Variants in RFX8 observed in about 807,000 individuals in gnomAD.
The protein encoded by RFX8 is regulatory factor X8.
In RFX8, 46 loss-of-function variants were observed where a neutral mutation model predicts 54.6. The ratio of observed to expected loss-of-function variants is 0.84; its 90% CI spans 0.67 to 1.08. RFX8 has a LOEUF of 1.08. Ranked by LOEUF, RFX8 falls within the 50% of genes least tolerant of loss-of-function variation. The pLI is 0.00. For synonymous variants in RFX8, 192 were observed against 209.5 expected (o/e 0.92, Z 0.72); for missense variants, 536 against 562.3 (o/e 0.95, Z 0.47).
chr2:101,437,762 G>T (rs1558869188), intron 2 of RFX8, among the ~76,000 whole-genome samples: 1 of 151,850 alleles, frequency 6.6e-6, no homozygotes, highest in Non-Finnish European at 1.5e-5. Context: ...ACACTCTGCT[G>T]ATCTTAAATT....
At chr2:101,464,269 G>A (rs946544342) in intron 2 of RFX8, among the ~76,000 whole-genome samples, 1 of 152,168 alleles carries the variant, frequency 6.6e-6, no homozygotes, top group African/African-American at 2.4e-5. Context: ...TTCCTACAAA[G>A]GGGATGTAGT....
chr2:101,455,113 C>A (rs572084116), intron 2 of RFX8, among the ~76,000 whole-genome samples: 3 of 151,040 alleles, frequency 2.0e-5, no homozygotes, highest in African/African-American at 4.9e-5. Flanking sequence ...CAGGTTCAAG[C>A]GATTCTGCTG....
intron 2 of RFX8, among the ~76,000 whole-genome samples, chr2:101,449,387 T>C (rs1688558077): frequency 6.6e-6 from 1 of 152,128 alleles, no homozygotes; most frequent in South Asian, 2.1e-4. Flanking sequence ...ATGGGATCAC[T>C]GGAAATAATT....
chr2:101,410,583 A>G (rs1558842389), intron 9 of RFX8, 36 bp downstream of exon 9: 1 of 1,106,926 alleles, frequency 9.0e-7, no homozygotes, highest in Admixed American at 2.2e-5. Context: ...AGAATGGTCA[A>G]CACACTTTTT....
intron 2 of RFX8, among the ~76,000 whole-genome samples, chr2:101,422,801 A>C (rs1273992290): frequency 6.6e-6 from 1 of 152,252 alleles, no homozygotes; most frequent in African/African-American, 2.4e-5. Flanking sequence ...TTAATATCAC[A>C]AATACACTTC....
Position 101,400,927 on chromosome 2 carries a change from G to T in RFX8, c.1245+1509C>A, listed in dbSNP as rs868743696. ...GCCTAGCCAAGCCATCGCCTCTTCAGATCTAACTGGGCCTTCTTTCTGCCA... is the reference window on the plus strand; with the variant it reads ...GCCTAGCCAAGCCATCGCCTCTTCATATCTAACTGGGCCTTCTTTCTGCCA... On this transcript the variant is annotated intron_variant, in intron 11 of 11. Transcript: ENST00000428343. Among the ~76,000 whole-genome samples, 4 of 152,190 alleles carry T rather than the reference G, an allele frequency of 2.6e-5. No individual in the cohort carries two copies. The South Asian group carries it at 6.2e-4, about 24-fold the overall frequency.
intron 1 of RFX8, among the ~76,000 whole-genome samples, chr2:101,469,778 T>C (rs372863070): frequency 1.7e-4 from 26 of 152,316 alleles, no homozygotes; most frequent in African/African-American, 6.3e-4. Flanking sequence ...CTACCGAGCC[T>C]GCCTGTTACC....
intron 5 of RFX8, among the ~76,000 whole-genome samples, 169 bp downstream of exon 5, chr2:101,418,682 G>A (rs1248022413): frequency 2.0e-5 from 3 of 152,144 alleles, no homozygotes; most frequent in African/African-American, 7.2e-5. Context: ...ATTCACAAAG[G>A]AAAACTGAGT....
At chr2:101,461,262 C>CAAAAA (rs11350961) in intron 2 of RFX8, among the ~76,000 whole-genome samples, 6 of 89,884 alleles carry the variant, frequency 6.7e-5, no homozygotes, top group South Asian at 3.9e-4. Context: ...GACTCCATCT[C>CAAAAA]AAAAAAAAAA....
Position 101,442,847 on chromosome 2 carries a change from C to T in RFX8, c.73-20375G>A, listed in dbSNP as rs559569573. 1.1e-4 allele frequency among the ~76,000 whole-genome samples: 16 copies of T among 152,148 alleles called. No homozygotes were observed. The East Asian group carries it at 3.1e-3, about 29-fold the overall frequency. On this transcript the variant is annotated intron_variant, in intron 2 of 11. Transcript: ENST00000428343. ...CTCCATGAGGGAGGTGCTCCTCCTA[C>T]TGATGCTCCTGGCGGCCTCTGGGGA...
intron 1 of RFX8, among the ~76,000 whole-genome samples, chr2:101,473,999 C>G (rs1390582588): frequency 6.6e-6 from 1 of 152,186 alleles, no homozygotes; most frequent in Non-Finnish European, 1.5e-5. Flanking sequence ...ATCGCCGATT[C>G]GGGCCCGGGG....
rs190007016 is a variant in RFX8 at position 101,430,116 on chromosome 2, C to T, written c.73-7644G>A. ...ACGAACCCACTAGAAAGGCACTCTTCATCTTTTAATAAGAGTTGTTATCAA... is the reference window on the plus strand; with the variant it reads ...ACGAACCCACTAGAAAGGCACTCTTTATCTTTTAATAAGAGTTGTTATCAA... On this transcript the variant is annotated intron_variant, in intron 2 of 11. Coordinates refer to ENST00000428343, the MANE Select transcript of RFX8 (RefSeq NM_001145664.2). Among the ~76,000 whole-genome samples the T allele has an allele frequency of 2.0e-5, 3 of 152,318 alleles. No homozygotes were observed. In the East Asian group the frequency reaches 5.8e-4, roughly 29 times the overall value.
At chr2:101,413,349 C>G (rs964082183) in intron 7 of RFX8, among the ~76,000 whole-genome samples, 3 of 152,190 alleles carry the variant, frequency 2.0e-5, no homozygotes, top group Non-Finnish European at 4.4e-5. Context: ...AATCGCCCCA[C>G]GCCCAAATGA....
At chr2:101,429,021 T>C in intron 2 of RFX8, 1 of 1,524,758 alleles carries the variant, frequency 6.6e-7, no homozygotes, top group Non-Finnish European at 8.8e-7. Context: ...GCATCTCCAC[T>C]GTGAAGGAAC....
rs139958827 is a variant in RFX8 at position 101,466,023 on chromosome 2, T to A, written c.72+754A>T. On this transcript the variant is annotated intron_variant, in intron 2 of 11. Transcript: ENST00000428343. ...ATCAAAAGTGTAGAACTTCCACAAA[T>A]GAACAGAAGTTTCAAAGACGAAGAC... 6.6e-4 allele frequency among the ~76,000 whole-genome samples: 101 copies of A among 152,252 alleles called. 1 individual carries two copies. The highest frequency in any genetic ancestry group is 1.2e-3 in the Non-Finnish European group (85 of 68,008).
chr2:101,440,523 T>C (rs1483173668), intron 2 of RFX8, among the ~76,000 whole-genome samples: 5 of 152,146 alleles, frequency 3.3e-5, no homozygotes, highest in East Asian at 1.9e-4. Flanking sequence ...CTCAAACACA[T>C]GTTGCTGCAT....
intron 1 of RFX8, among the ~76,000 whole-genome samples, chr2:101,469,631 A>T (rs374830856): frequency 2.6e-5 from 4 of 152,154 alleles, no homozygotes; most frequent in African/African-American, 7.2e-5. Flanking sequence ...TTATCTCCTT[A>T]AAAAAGAAGT....
At chr2:101,469,094 G>C (rs3045574) in intron 1 of RFX8, among the ~76,000 whole-genome samples, 1 of 10,252 alleles carries the variant, frequency 9.8e-5, no homozygotes, top group East Asian at 1.6e-3. Context: ...ATATATATAA[G>C]TATATATATA....
chr2:101,406,560 T>C (rs1213270862), intron 9 of RFX8, among the ~76,000 whole-genome samples: 1 of 152,066 alleles, frequency 6.6e-6, no homozygotes, highest in East Asian at 1.9e-4. Context: ...CAAGCTGGCC[T>C]TAACTTCTAG....
Sources: allele counts gnomAD v4.1 joint callset (sites outside exome capture counted in the v4.1 genomes callset), GRCh38; gene constraint gnomAD v4.1.1; transcripts MANE v1.5; gene names NCBI Gene and HGNC (gene_info 2026-07-23, HGNC 2026-07-21).